Variants in KCTD16 observed in about 807,000 individuals in gnomAD.
The protein encoded by KCTD16 is BTB/POZ domain-containing protein KCTD16.
Under a neutral mutation model 33.2 loss-of-function variants are expected in KCTD16, and 13 were observed. The observed-to-expected ratio is 0.39, with a 90% CI of 0.25 to 0.62. The LOEUF (loss-of-function observed/expected upper bound fraction) is 0.62. KCTD16 is among the 20% of genes least tolerant of loss of function. The pLI is 0.50. For missense variants in KCTD16, 441 were observed against 525.1 expected (o/e 0.84, Z 1.57); for synonymous variants, 197 against 195.3 (o/e 1.01, Z -0.07).
chr5:144,451,473 G>A (rs1163022337), intron 3 of KCTD16, among the ~76,000 whole-genome samples: 1 of 152,220 alleles, frequency 6.6e-6, no homozygotes, highest in East Asian at 1.9e-4. Flanking sequence ...CTAAGAAGAA[G>A]ACATTAATTA....
intron 3 of KCTD16, among the ~76,000 whole-genome samples, chr5:144,255,470 T>C (rs1488156141): frequency 6.6e-6 from 1 of 152,222 alleles, no homozygotes; most frequent in Non-Finnish European, 1.5e-5. Flanking sequence ...GTTCCAATTC[T>C]TCCACATCCT....
At chr5:144,270,545 A>C (rs1171017743) in intron 3 of KCTD16, among the ~76,000 whole-genome samples, 1 of 151,828 alleles carries the variant, frequency 6.6e-6, no homozygotes, top group Non-Finnish European at 1.5e-5. Flanking sequence ...AAGAAATTTT[A>C]TAGCTATAAA....
chr5:144,245,410 A>G (rs560417756), intron 3 of KCTD16, among the ~76,000 whole-genome samples: 1 of 152,366 alleles, frequency 6.6e-6, no homozygotes, highest in Admixed American at 6.5e-5. Flanking sequence ...TATAGGAGTT[A>G]ACAAGACACA....
chr5:144,313,767 C>T (rs967232026), intron 3 of KCTD16, among the ~76,000 whole-genome samples: 5 of 152,008 alleles, frequency 3.3e-5, no homozygotes, highest in Non-Finnish European at 7.4e-5. Flanking sequence ...CTGGAATATC[C>T]AGAGCCCCTT....
At chr5:144,359,573 G>T (rs1394892849) in intron 3 of KCTD16, among the ~76,000 whole-genome samples, 1 of 151,522 alleles carries the variant, frequency 6.6e-6, no homozygotes, top group African/African-American at 2.4e-5. Context: ...TCTATCTCTA[G>T]AACAATGATT....
intron 2 of KCTD16, among the ~76,000 whole-genome samples, chr5:144,188,822 C>G (rs1164270165): frequency 6.6e-6 from 1 of 152,134 alleles, no homozygotes; most frequent in African/African-American, 2.4e-5. Context: ...ACTCACCTCC[C>G]CTCCCCTGCC....
chr5:144,173,237 C>T (rs150450323), intron 1 of KCTD16, among the ~76,000 whole-genome samples: 1,646 of 152,272 alleles, frequency 0.011, 28 homozygotes, highest in Admixed American at 0.052. Context: ...CTTAAATGTC[C>T]ATCCATCATA....
chr5:144,383,091 C>T lies in KCTD16; in HGVS notation c.833-90569C>T, dbSNP rs1752250851. ...AGAGAAGCAGAAACCTGCAAATTCA[C>T]TGTCTGCAGATAAATGGGGCCATTT... is the stretch of plus-strand genomic sequence containing the variant. On this transcript the variant is annotated intron_variant, in intron 3 of 3. Transcript: ENST00000512467. The T allele has an allele frequency of 2.0e-5, 3 of 152,344 alleles. No individual in the cohort carries two copies. In the South Asian group the frequency reaches 6.2e-4, roughly 32 times the overall value. The allele number at this position is 152,344 out of a possible 1,614,324, so 9.4% of individuals were successfully genotyped here.
At chr5:144,288,564 A>G (rs1755811171) in intron 3 of KCTD16, among the ~76,000 whole-genome samples, 1 of 152,178 alleles carries the variant, frequency 6.6e-6, no homozygotes, top group Non-Finnish European at 1.5e-5. Context: ...CATGTTTAGT[A>G]CTTGTCCTTG....
chr5:144,390,108 A>G (rs1326468685), intron 3 of KCTD16, among the ~76,000 whole-genome samples: 4 of 152,236 alleles, frequency 2.6e-5, no homozygotes, highest in African/African-American at 9.6e-5. Flanking sequence ...GGCTACACAC[A>G]TTTAATATTT....
At chr5:144,238,508 G>T (rs945138110) in intron 3 of KCTD16, among the ~76,000 whole-genome samples, 1 of 152,128 alleles carries the variant, frequency 6.6e-6, no homozygotes, top group Non-Finnish European at 1.5e-5. Flanking sequence ...TGCCTAGGAA[G>T]TGTAGCAGAG....
intron 3 of KCTD16, among the ~76,000 whole-genome samples, chr5:144,280,585 T>G (rs184351696): frequency 1.6e-3 from 246 of 152,346 alleles, no homozygotes; most frequent in African/African-American, 5.7e-3. Flanking sequence ...CTTACTAATT[T>G]TGTTGATCTT....
chr5:144,208,982 G>C (rs2126791770), intron 3 of KCTD16, among the ~76,000 whole-genome samples: 1 of 152,240 alleles, frequency 6.6e-6, no homozygotes, highest in Admixed American at 6.5e-5. Flanking sequence ...CTAGTGTAGA[G>C]ATAAGATTCC....
chr5:144,364,422 T>C (rs1048033513), intron 3 of KCTD16, among the ~76,000 whole-genome samples: 1 of 152,218 alleles, frequency 6.6e-6, no homozygotes, highest in Admixed American at 6.5e-5. Context: ...TATATTGTAG[T>C]CCACTGAGTT....
At chr5:144,325,435 T>C (rs1752179654) in intron 3 of KCTD16, among the ~76,000 whole-genome samples, 1 of 152,116 alleles carries the variant, frequency 6.6e-6, no homozygotes, top group African/African-American at 2.4e-5. Context: ...ATCAAAGGCC[T>C]TTCATGCTCT....
rs1173310568 is a variant in KCTD16, at chr5:144,243,252, T to C, written c.832+35706T>C. Among the ~76,000 whole-genome samples, 6 of 152,218 alleles carry C rather than the reference T, an allele frequency of 3.9e-5. No homozygotes were observed. The East Asian group carries it at 9.6e-4, about 24-fold the overall frequency. ...GTGGATCTTGATTATTTGATTGAGA[T>C]AGTGGCTGTCATGTTTCTCCAGTAT... On this transcript the variant is annotated intron_variant, in intron 3 of 3. Transcript: ENST00000512467.
At chr5:144,358,088 TA>T (rs1751612871) in intron 3 of KCTD16, among the ~76,000 whole-genome samples, 1 of 143,950 alleles carries the variant, frequency 6.9e-6, no homozygotes, top group Non-Finnish European at 1.5e-5. Context: ...CACACCCGGC[TA>T]ATTTTTTTTT....
chr5:144,451,550 A>C (rs1460550743), intron 3 of KCTD16, among the ~76,000 whole-genome samples: 1 of 152,112 alleles, frequency 6.6e-6, no homozygotes, highest in Non-Finnish European at 1.5e-5. Context: ...TTTTTTTTGA[A>C]GCTCTATTAA....
At chr5:144,471,709 C>A (rs1754480699) in intron 3 of KCTD16, among the ~76,000 whole-genome samples, 1 of 152,180 alleles carries the variant, frequency 6.6e-6, no homozygotes, top group South Asian at 2.1e-4. Flanking sequence ...CTGGTATATG[C>A]TGAACAGTTT....
Sources: allele counts gnomAD v4.1 joint callset (sites outside exome capture counted in the v4.1 genomes callset), GRCh38; gene constraint gnomAD v4.1.1; transcripts MANE v1.5; gene names NCBI Gene and HGNC (gene_info 2026-07-23, HGNC 2026-07-21).